TNFSF4: variants seen among roughly 807,000 people sequenced by gnomAD.
TNFSF4 encodes TNF superfamily member 4.
TNFSF4 carries 4 observed loss-of-function variants against 7.3 expected under a neutral mutation model. That is an observed-to-expected ratio of 0.55 (90% confidence interval 0.27 to 1.25). The LOEUF is 1.25. Ranked by LOEUF, TNFSF4 falls within the 50% of genes most tolerant of loss-of-function variation. TNFSF4 has a pLI of 0.12. For missense variants in TNFSF4, 181 were observed against 208.8 expected, an observed-to-expected ratio of 0.87 and a Z score of 0.82; for synonymous variants, 76 against 83.7, an observed-to-expected ratio of 0.91 and a Z score of 0.50.
At chr1:173,438,079 T>TC in the TNFSF4 span, among the ~76,000 whole-genome samples, 1 of 152,034 alleles carries the variant, frequency 6.6e-6, no homozygotes, top group African/African-American at 2.4e-5. Context: ...ACATGGTATG[T>TC]CCCCCAGTAA....
the TNFSF4 span, among the ~76,000 whole-genome samples, chr1:173,397,167 C>A: frequency 1.3e-5 from 2 of 152,140 alleles, no homozygotes; most frequent in African/African-American, 4.8e-5. Context: ...CTTACTTGAT[C>A]TGGATAAGCA....
chr1:173,345,063 G>A, the TNFSF4 span, among the ~76,000 whole-genome samples: 1 of 152,172 alleles, frequency 6.6e-6, no homozygotes, highest in South Asian at 2.1e-4. Flanking sequence ...GGGATCAGAA[G>A]TAAACATACT....
the TNFSF4 span, among the ~76,000 whole-genome samples, chr1:173,222,584 G>T: frequency 1.3e-5 from 2 of 152,160 alleles, no homozygotes; most frequent in Non-Finnish European, 2.9e-5. Context: ...CCTCATAGGT[G>T]CAGCAGCCTC....
chr1:173,271,121 T>TTGC, the TNFSF4 span, among the ~76,000 whole-genome samples: 313 of 152,296 alleles, frequency 2.1e-3, 1 homozygote, highest in African/African-American at 7.2e-3. Flanking sequence ...CTAGTTTCTT[T>TTGC]TGCTGTGCAG....
intron 1 of TNFSF4, among the ~76,000 whole-genome samples, chr1:173,204,681 T>C (rs3861952): frequency 0.23 from 35,400 of 151,980 alleles, 6,695 homozygotes; most frequent in African/African-American, 0.52. Flanking sequence ...CCAATACACA[T>C]CACTGTAACA....
the TNFSF4 span, among the ~76,000 whole-genome samples, chr1:173,351,123 G>T: frequency 6.6e-6 from 1 of 152,172 alleles, no homozygotes; most frequent in African/African-American, 2.4e-5. Flanking sequence ...ATCTGGACCT[G>T]CCTACCTCTC....
chr1:173,416,608 T>TTTTTTTTATTTATTTATTTATTTA, the TNFSF4 span, among the ~76,000 whole-genome samples: 5,471 of 121,984 alleles, frequency 0.045, 234 homozygotes, highest in Non-Finnish European at 0.062. Context: ...ATTTTTTTAT[T>TTTTTTTTATTTATTTATTTATTTA]TTTATTTATT....
the TNFSF4 span, among the ~76,000 whole-genome samples, chr1:173,429,216 AAAG>A: frequency 1.3e-5 from 2 of 152,162 alleles, no homozygotes; most frequent in Admixed American, 1.3e-4. Context: ...CTTTAAAAAA[AAAG>A]AGTATTATGA....
At chr1:173,308,164 A>C in the TNFSF4 span, among the ~76,000 whole-genome samples, 1 of 151,810 alleles carries the variant, frequency 6.6e-6, no homozygotes, top group Admixed American at 6.6e-5. Context: ...ATTAGCCTTT[A>C]AGTCTTATAA....
the TNFSF4 span, among the ~76,000 whole-genome samples, chr1:173,286,849 GA>G: frequency 6.6e-6 from 1 of 151,566 alleles, no homozygotes; most frequent in Non-Finnish European, 1.5e-5. Flanking sequence ...ATCTAACAAA[GA>G]ATTATTATTT....
rs1356956771 is a variant in TNFSF4, at chr1:173,186,431, C to T, written c.*85G>A. ...ACGTGGCTGAGCTGGGAGGCTCCTT[C>T]ACTTGCAATGAAGAATCCATGCCCT... On this transcript the variant is annotated 3_prime_UTR_variant, in exon 3 of 3. Coordinates refer to ENST00000281834, the MANE Select transcript of TNFSF4 (RefSeq NM_003326.5). The T allele has an allele frequency of 8.6e-7, 1 of 1,160,600 alleles. No homozygotes were observed. The highest frequency in any genetic ancestry group is 1.5e-5 in the African/African-American group (1 of 65,076). 71.9% of individuals were successfully genotyped at this position (1,160,600 alleles called of 1,614,324 possible).
At chr1:173,411,680 T>C in the TNFSF4 span, among the ~76,000 whole-genome samples, 1 of 152,074 alleles carries the variant, frequency 6.6e-6, no homozygotes, top group African/African-American at 2.4e-5. Context: ...CACACACCTG[T>C]AATCCCAGCT....
At chr1:173,415,885 G>A in the TNFSF4 span, among the ~76,000 whole-genome samples, 24 of 152,284 alleles carry the variant, frequency 1.6e-4, no homozygotes, top group Middle Eastern at 3.4e-3. Flanking sequence ...CTAAATGTGC[G>A]TATCTGTGGG....
At chr1:173,440,062 T>C in the TNFSF4 span, among the ~76,000 whole-genome samples, 1 of 152,222 alleles carries the variant, frequency 6.6e-6, no homozygotes, top group African/African-American at 2.4e-5. Flanking sequence ...AATCCCTTTC[T>C]ACCCTTATTC....
the TNFSF4 span, chr1:173,351,915 C>A: frequency 3.3e-5 from 18 of 549,520 alleles, no homozygotes; most frequent in Admixed American, 2.9e-4. Flanking sequence ...GGACAAAGAC[C>A]GCAAAAAGAT....
At chr1:173,183,026 T>C (rs1649083776), downstream of TNFSF4, among the ~76,000 whole-genome samples, 1 of 152,160 alleles carries the variant, frequency 6.6e-6, no homozygotes, top group East Asian at 1.9e-4. Flanking sequence ...AGATCAGAAA[T>C]TTCCCGATAT....
At chr1:173,245,421 A>G in the TNFSF4 span, among the ~76,000 whole-genome samples, 1 of 152,196 alleles carries the variant, frequency 6.6e-6, no homozygotes, top group African/African-American at 2.4e-5. Context: ...AAGCAAAATG[A>G]CAAGCTCTTT....
chr1:173,300,012 C>T, the TNFSF4 span, among the ~76,000 whole-genome samples: 38 of 151,682 alleles, frequency 2.5e-4, no homozygotes, highest in Admixed American at 3.3e-4. Flanking sequence ...GCATATTTTA[C>T]GGATTTTTTA....
At chr1:173,305,215 AAC>A in the TNFSF4 span, among the ~76,000 whole-genome samples, 1 of 151,960 alleles carries the variant, frequency 6.6e-6, no homozygotes, top group East Asian at 1.9e-4. Flanking sequence ...AATTTGCAAA[AAC>A]AGTCACAATT....
Sources: allele counts gnomAD v4.1 joint callset (sites outside exome capture counted in the v4.1 genomes callset), GRCh38; gene constraint gnomAD v4.1.1; transcripts MANE v1.5; gene names NCBI Gene and HGNC (gene_info 2026-07-23, HGNC 2026-07-21).